The following INPP4B variants were observed in gnomAD, a reference collection of about 807,000 sequenced individuals.
INPP4B encodes inositol polyphosphate 4-phosphatase type II.
A neutral mutation model predicts 122.5 loss-of-function variants in INPP4B; 55 were observed. That is an observed-to-expected ratio of 0.45 (90% CI 0.36 to 0.56). The LOEUF is 0.56. INPP4B is among the 20% of genes least tolerant of loss of function. The pLI, the probability that INPP4B is intolerant of heterozygous loss-of-function variation, is 0.00. For synonymous variants in INPP4B, 403 were observed against 388.7 expected (o/e 1.04, Z -0.43); for missense variants, 1,000 against 1,097.7 (o/e 0.91, Z 1.26).
intron 18 of INPP4B, among the ~76,000 whole-genome samples, chr4:142,130,074 A>G (rs1370253423): frequency 6.6e-6 from 1 of 152,184 alleles, no homozygotes; most frequent in East Asian, 1.9e-4. Flanking sequence ...GAAGAGAGAG[A>G]GTTTAGAGGC....
intron 12 of INPP4B, among the ~76,000 whole-genome samples, chr4:142,222,019 G>C (rs1849585921): frequency 6.6e-6 from 1 of 152,134 alleles, no homozygotes; most frequent in South Asian, 2.1e-4. Flanking sequence ...GAGTGCAATG[G>C]CACGATCTTG....
intron 2 of INPP4B, among the ~76,000 whole-genome samples, chr4:142,669,912 C>A (rs899375669): frequency 6.6e-6 from 1 of 152,124 alleles, no homozygotes; most frequent in Non-Finnish European, 1.5e-5. Flanking sequence ...ACAGCCTTTA[C>A]TGGGAAAAGT....
intron 25 of INPP4B, among the ~76,000 whole-genome samples, chr4:142,035,415 T>C (rs1743244984): frequency 6.6e-6 from 1 of 152,162 alleles, no homozygotes; most frequent in African/African-American, 2.4e-5. Flanking sequence ...TTGGCACCTT[T>C]TAAAATGTAT....
intron 2 of INPP4B, among the ~76,000 whole-genome samples, chr4:142,469,520 GAAGA>G (rs1818424646): frequency 1.3e-5 from 2 of 151,966 alleles, no homozygotes; most frequent in South Asian, 4.1e-4. Context: ...AAGTTCATTT[GAAGA>G]AAGTATTCTA....
intron 7 of INPP4B, among the ~76,000 whole-genome samples, chr4:142,331,584 C>A (rs2646096): frequency 0.49 from 74,158 of 152,042 alleles, 18,167 homozygotes; most frequent in Non-Finnish European, 0.52. Context: ...AATTAGGCTT[C>A]AGCTTAATAG....
At chr4:142,831,930 T>C (rs1049650035) in intron 1 of INPP4B, among the ~76,000 whole-genome samples, 3 of 152,216 alleles carry the variant, frequency 2.0e-5, no homozygotes, top group African/African-American at 7.2e-5. Flanking sequence ...TGTAAGTAGC[T>C]ATGGTACAAA....
chr4:142,535,522 G>C (rs1044538103), intron 2 of INPP4B, among the ~76,000 whole-genome samples: 1 of 152,068 alleles, frequency 6.6e-6, no homozygotes, highest in African/African-American at 2.4e-5. Flanking sequence ...TGCTATTCCT[G>C]ATTTATCAAA....
At chr4:142,828,486 T>C (rs2072767347) in intron 1 of INPP4B, among the ~76,000 whole-genome samples, 1 of 152,128 alleles carries the variant, frequency 6.6e-6, no homozygotes, top group South Asian at 2.1e-4. Flanking sequence ...TTTACATGAG[T>C]CCAAGGTTTA....
At chr4:142,251,099 T>C (rs562926293) in intron 11 of INPP4B, among the ~76,000 whole-genome samples, 1 of 152,198 alleles carries the variant, frequency 6.6e-6, no homozygotes, top group Non-Finnish European at 1.5e-5. Context: ...ATATGATCTC[T>C]GTGTCTCTTC....
intron 17 of INPP4B, among the ~76,000 whole-genome samples, chr4:142,150,055 C>A (rs1812970223): frequency 6.6e-6 from 1 of 152,196 alleles, no homozygotes; most frequent in Admixed American, 6.5e-5. Flanking sequence ...TCCATTATAT[C>A]TCTGTGAAAA....
chr4:142,534,004 T>C (rs1827913084), intron 2 of INPP4B, among the ~76,000 whole-genome samples: 1 of 152,214 alleles, frequency 6.6e-6, no homozygotes, highest in Non-Finnish European at 1.5e-5. Context: ...TCTGTTCTCA[T>C]TGCCATTGCA....
intron 2 of INPP4B, among the ~76,000 whole-genome samples, chr4:142,544,346 C>G (rs529210052): frequency 1.6e-4 from 24 of 151,988 alleles, no homozygotes; most frequent in Admixed American, 1.0e-3. Context: ...TGAGAGAAAG[C>G]TGTTCTAGAG....
intron 1 of INPP4B, among the ~76,000 whole-genome samples, chr4:142,820,962 G>GT (rs1215269341): frequency 6.6e-6 from 1 of 152,110 alleles, no homozygotes; most frequent in African/African-American, 2.4e-5. Context: ...TTGATCTTGT[G>GT]TATTTGATGG....
chr4:142,581,355 C>A (rs190973886), intron 2 of INPP4B, among the ~76,000 whole-genome samples: 1 of 151,866 alleles, frequency 6.6e-6, no homozygotes, highest in African/African-American at 2.4e-5. Flanking sequence ...TATTGGAAAC[C>A]AAGGGCAAGC....
chr4:142,622,866 T>C (rs1379114497), intron 2 of INPP4B, among the ~76,000 whole-genome samples: 2 of 152,002 alleles, frequency 1.3e-5, no homozygotes, highest in Non-Finnish European at 2.9e-5. Context: ...ATTCACATAT[T>C]GTAAGATTCA....
chr4:142,346,210 A>G (rs1189663600), intron 7 of INPP4B, among the ~76,000 whole-genome samples: 1 of 152,032 alleles, frequency 6.6e-6, no homozygotes, highest in Non-Finnish European at 1.5e-5. Context: ...AACATTAACA[A>G]CACATTCTCA....
At chr4:142,086,524 T>C (rs1379274408) in intron 23 of INPP4B, among the ~76,000 whole-genome samples, 1 of 152,080 alleles carries the variant, frequency 6.6e-6, no homozygotes, top group African/African-American at 2.4e-5. Context: ...CAGCTACTTT[T>C]TGTATTTTTT....
At chr4:142,401,908 G>A (rs571301959) in intron 7 of INPP4B, among the ~76,000 whole-genome samples, 25 of 152,294 alleles carry the variant, frequency 1.6e-4, no homozygotes, top group Non-Finnish European at 2.9e-4. Flanking sequence ...CTGGGGCTAA[G>A]ATGCATAGAA....
chr4:142,432,869 C>T (rs931864374), intron 3 of INPP4B, among the ~76,000 whole-genome samples: 4 of 152,178 alleles, frequency 2.6e-5, no homozygotes, highest in Admixed American at 6.5e-5. Flanking sequence ...AGCACACTAT[C>T]GGTGAATAAT....
Sources: allele counts gnomAD v4.1 joint callset (sites outside exome capture counted in the v4.1 genomes callset), GRCh38; gene constraint gnomAD v4.1.1; transcripts MANE v1.5; gene names NCBI Gene and HGNC (gene_info 2026-07-23, HGNC 2026-07-21).